The following PCDH15 variants were observed in gnomAD, a reference collection of about 807,000 sequenced individuals.
PCDH15 encodes the protein protocadherin related 15.
PCDH15 carries 129 observed loss-of-function variants against 178.5 expected under a neutral mutation model. That is an observed-to-expected ratio of 0.72 (90% CI 0.63 to 0.84). The LOEUF (loss-of-function observed/expected upper bound fraction) is 0.84, where lower values mean the gene tolerates loss of function less well. Ranked by LOEUF, PCDH15 falls within the 40% of genes least tolerant of loss-of-function variation. The pLI, the probability that PCDH15 is intolerant of heterozygous loss-of-function variation, is 0.00. For synonymous variants in PCDH15, 800 were observed against 732.0 expected (o/e 1.09, Z -1.50); for missense variants, 2,230 against 2,099.9 (o/e 1.06, Z -1.21).
chr10:54,686,577 T>A (rs1382552141), intron 1 of PCDH15, among the ~76,000 whole-genome samples: 2 of 152,168 alleles, frequency 1.3e-5, no homozygotes, highest in Non-Finnish European at 1.5e-5. Flanking sequence ...CTATTTTGAA[T>A]TTTTTGTGTG....
chr10:54,432,284 A>T (rs1321889967), intron 3 of PCDH15, among the ~76,000 whole-genome samples: 1 of 115,700 alleles, frequency 8.6e-6, no homozygotes, highest in Admixed American at 7.9e-5. Context: ...AGAAACAAAC[A>T]AACAAAAAAA....
chr10:54,779,589 A>G (rs1327977805), intron 1 of PCDH15, among the ~76,000 whole-genome samples: 2 of 145,384 alleles, frequency 1.4e-5, no homozygotes, highest in Non-Finnish European at 3.0e-5. Flanking sequence ...ATTCTTTCCT[A>G]CTATGTGATG....
At chr10:55,482,190 C>G (rs2132119036) in intron 2 of PCDH15, among the ~76,000 whole-genome samples, 1 of 151,894 alleles carries the variant, frequency 6.6e-6, no homozygotes, top group Admixed American at 6.6e-5. Context: ...AGATTTTCCT[C>G]CATCTCTTTA....
At chr10:54,842,282 C>T (rs1203961644) in intron 3 of PCDH15, among the ~76,000 whole-genome samples, 1 of 151,596 alleles carries the variant, frequency 6.6e-6, no homozygotes, top group Non-Finnish European at 1.5e-5. Flanking sequence ...TTTTCTCCAT[C>T]CAGACCTATT....
At chr10:53,807,173 T>C in intron 37 of PCDH15, 43 bp from the exon 38 acceptor site, 2 of 1,460,560 alleles carry the variant, frequency 1.4e-6, no homozygotes, top group East Asian at 2.3e-5. Context: ...ATCAAATAAA[T>C]TAAAAAGGCA....
rs1415636348 is a variant in PCDH15, at chr10:53,803,763, TA to T, written c.*2815del. 6.6e-6 allele frequency: 1 copy of T among 151,922 alleles called. No homozygotes were observed. Among genetic ancestry groups the T allele is most frequent in the Non-Finnish European group, 1.5e-5 (1 of 67,864 alleles). 9.4% of individuals were successfully genotyped at this position (151,922 alleles called of 1,614,324 possible). A position where few individuals can be genotyped will look rare whatever the true frequency, so the allele number is the denominator to read the frequency against. ...TTCCCTTAATGCCCACAAGACCTTC[TA>T]AAATCAACGGGTTGCAATATTAGTC... is the stretch of plus-strand genomic sequence containing the variant. On this transcript the variant is annotated 3_prime_UTR_variant, in exon 38 of 38. Coordinates refer to ENST00000644397, the MANE Select transcript of PCDH15 (RefSeq NM_001384140.1).
Position 53,806,477 on chromosome 10 carries a change from G to T in PCDH15, c.*102C>A. The T allele has an allele frequency of 2.0e-6, 2 of 998,212 alleles. No individual in the cohort carries two copies. Among genetic ancestry groups the T allele is most frequent in the Non-Finnish European group, 2.9e-6 (2 of 692,166 alleles). 61.8% of individuals were successfully genotyped at this position (998,212 alleles called of 1,614,324 possible). A position where few individuals can be genotyped will look rare whatever the true frequency, so the allele number is the denominator to read the frequency against. ...TATTGTTCAAAGTTTTAGCTTGTGTGCATGATATAAATTCCATACATTGTT... is the reference window on the plus strand; with the variant it reads ...TATTGTTCAAAGTTTTAGCTTGTGTTCATGATATAAATTCCATACATTGTT... On this transcript the variant is annotated 3_prime_UTR_variant, in exon 38 of 38. Transcript: ENST00000644397.
chr10:54,346,311 T>A, intron 6 of PCDH15, 54 bp downstream of exon 6: 1 of 1,551,662 alleles, frequency 6.4e-7, no homozygotes, highest in Non-Finnish European at 8.9e-7. Context: ...GCTGAAAAAA[T>A]CATTAATTTT....
chr10:53,972,939 G>C (rs936103040), intron 21 of PCDH15, among the ~76,000 whole-genome samples: 7 of 152,066 alleles, frequency 4.6e-5, no homozygotes, highest in East Asian at 1.9e-4. Flanking sequence ...TCGCATTACT[G>C]GGCATATATG....
At chr10:55,138,743 T>G (rs1228568698) in intron 2 of PCDH15, among the ~76,000 whole-genome samples, 1 of 152,088 alleles carries the variant, frequency 6.6e-6, no homozygotes, top group African/African-American at 2.4e-5. Context: ...AAAATATTTT[T>G]ATCACCCCCA....
At chr10:55,016,849 G>C (rs912806477) in intron 2 of PCDH15, among the ~76,000 whole-genome samples, 1 of 151,620 alleles carries the variant, frequency 6.6e-6, no homozygotes, top group Non-Finnish European at 1.5e-5. Context: ...CTTGATTCTG[G>C]GATAATTTCT....
intron 2 of PCDH15, among the ~76,000 whole-genome samples, chr10:54,576,996 C>T (rs1297776592): frequency 6.6e-6 from 1 of 151,988 alleles, no homozygotes; most frequent in Non-Finnish European, 1.5e-5. Flanking sequence ...AAAATGTCTA[C>T]ATTGATGGCT....
At chr10:54,382,406 T>C (rs1477877915) in intron 3 of PCDH15, among the ~76,000 whole-genome samples, 1 of 152,148 alleles carries the variant, frequency 6.6e-6, no homozygotes, top group African/African-American at 2.4e-5. Context: ...AGATTTTCCA[T>C]TTTTTCTTAA....
intron 1 of PCDH15, among the ~76,000 whole-genome samples, chr10:54,721,877 G>A (rs76085826): frequency 6.6e-6 from 1 of 151,680 alleles, no homozygotes; most frequent in Non-Finnish European, 1.5e-5. Flanking sequence ...AACAAAAGTG[G>A]TATCATCTTG....
At chr10:55,259,815 T>C (rs1188615198) in intron 1 of PCDH15, among the ~76,000 whole-genome samples, 1 of 146,386 alleles carries the variant, frequency 6.8e-6, no homozygotes, top group Admixed American at 7.1e-5. Context: ...GGCAGGAGAA[T>C]TGCTTGAACC....
intron 15 of PCDH15, among the ~76,000 whole-genome samples, chr10:54,109,077 CT>C (rs1402042644): frequency 6.6e-6 from 1 of 152,140 alleles, no homozygotes; most frequent in Non-Finnish European, 1.5e-5. Context: ...CTCAGTCCAG[CT>C]GTGGTGGCTA....
chr10:54,378,776 A>T lies in PCDH15; in HGVS notation c.318+6T>A, dbSNP rs775932134. 5 of 1,613,580 alleles carry T rather than the reference A, an allele frequency of 3.1e-6. No individual in the cohort carries two copies. Among genetic ancestry groups the T allele is most frequent in the Non-Finnish European group, 4.2e-6 (5 of 1,179,720 alleles). On this transcript the variant is annotated splice_donor_region_variant and intron_variant, in intron 4 of 37. Transcript: ENST00000644397. ...ATTACAGGGGCAAAGAAAAAAAATC[A>T]CTAACATCTCTATCCAGAACTCTTC...
At chr10:53,834,119 A>G (rs2077166891) in intron 29 of PCDH15, among the ~76,000 whole-genome samples, 1 of 152,166 alleles carries the variant, frequency 6.6e-6, no homozygotes. Flanking sequence ...AAGCAAAACC[A>G]CAGAAGAGGG....
intron 8 of PCDH15, among the ~76,000 whole-genome samples, chr10:54,297,663 G>T (rs1476337495): frequency 6.6e-6 from 1 of 152,140 alleles, no homozygotes; most frequent in Admixed American, 6.5e-5. Flanking sequence ...CAGGCTATTG[G>T]TTCTGTCCCC....
Sources: gnomAD v4.1 joint callset for allele counts (sites outside exome capture counted in the v4.1 genomes callset) on GRCh38, gnomAD v4.1.1 for gene constraint, MANE v1.5 for transcripts, NCBI Gene and HGNC (gene_info 2026-07-23, HGNC 2026-07-21) for gene names.